Variants in AFF1 observed in about 807,000 individuals in gnomAD.
AFF1 encodes ALF transcription elongation factor 1, also known as AF4/FMR2 family member 1.
A neutral mutation model predicts 121.7 loss-of-function variants in AFF1; 48 were observed. The ratio of observed to expected loss-of-function variants is 0.39; its 90% CI spans 0.31 to 0.50. The LOEUF (loss-of-function observed/expected upper bound fraction) is 0.50. Among genes scored for constraint, AFF1 ranks in the 20% least tolerant of loss-of-function variants. The pLI, the probability that AFF1 is intolerant of heterozygous loss-of-function variation, is 0.76. For missense variants in AFF1, 1,523 were observed against 1,511.7 expected (o/e 1.01, Z -0.12); for synonymous variants, 613 against 563.0 (o/e 1.09, Z -1.26).
rs17012232 is a variant in AFF1, at chr4:86,990,464, G to A, written c.38+41893G>A. Among the ~76,000 whole-genome samples, 1,318 of 152,112 alleles carry A rather than the reference G, an allele frequency of 8.7e-3. 25 individuals are homozygous for A. The highest frequency in any genetic ancestry group is 0.031 in the African/African-American group (1,268 of 41,470). On this transcript the variant is annotated intron_variant, in intron 2 of 20. Coordinates refer to ENST00000395146, the MANE Select transcript of AFF1 (RefSeq NM_001166693.3). ...CAAAGCGGTGTGAAGAAAACATAAG[G>A]CCATAAGACTAATCTCTGGAGAGCT... is the stretch of plus-strand genomic sequence containing the variant.
chr4:87,015,179 T>C (rs1162442028), intron 2 of AFF1, among the ~76,000 whole-genome samples: 1 of 152,240 alleles, frequency 6.6e-6, no homozygotes, highest in African/African-American at 2.4e-5. Context: ...TCAGGTAATT[T>C]TGACCTAGCA....
intron 4 of AFF1, among the ~76,000 whole-genome samples, chr4:87,073,801 T>G (rs1722373419): frequency 6.6e-6 from 1 of 152,136 alleles, no homozygotes; most frequent in Admixed American, 6.5e-5. Flanking sequence ...CTCTGCAACA[T>G]AGAATTAAAC....
At position 87,136,999 on chromosome 4, in the gene AFF1, A is replaced by T. The variant is rs1373455937; in HGVS notation, c.*1298A>T. ...CCTCCGTAAGTTATTGCCATAGTGT[A>T]TGCATTAAACCAAGTCCATTTTGAA... On this transcript the variant is annotated 3_prime_UTR_variant, in exon 21 of 21. Coordinates refer to ENST00000395146, the MANE Select transcript of AFF1 (RefSeq NM_001166693.3). 1.4e-5 allele frequency: 3 copies of T among 222,190 alleles called. No individual in the cohort carries two copies. Among genetic ancestry groups the T allele is most frequent in the Non-Finnish European group, 2.7e-5 (3 of 111,010 alleles). 13.8% of individuals were successfully genotyped at this position (222,190 alleles called of 1,614,324 possible). A position where few individuals can be genotyped will look rare whatever the true frequency, so the allele number is the denominator to read the frequency against.
chr4:87,029,499 T>A (rs185603614), intron 2 of AFF1, among the ~76,000 whole-genome samples: 1 of 152,276 alleles, frequency 6.6e-6, no homozygotes, highest in African/African-American at 2.4e-5. Context: ...TTGAGGAACA[T>A]TAAGTTCTGA....
At chr4:87,122,881 T>TAA (rs3036188) in intron 12 of AFF1, among the ~76,000 whole-genome samples, 27,928 of 96,418 alleles carry the variant, frequency 0.29, 4,168 homozygotes, top group Middle Eastern at 0.33. Context: ...GGAAAATTAG[T>TAA]AAAAAAAAAA....
chr4:86,940,638 G>C (rs1054837538), intron 1 of AFF1, among the ~76,000 whole-genome samples: 28 of 152,080 alleles, frequency 1.8e-4, no homozygotes, highest in African/African-American at 7.2e-5. Context: ...GACCTCAGAT[G>C]ATCCACCCGC....
chr4:86,975,443 G>T (rs981014427), intron 2 of AFF1, among the ~76,000 whole-genome samples: 1 of 152,090 alleles, frequency 6.6e-6, no homozygotes, highest in Non-Finnish European at 1.5e-5. Flanking sequence ...TTGAGATGAG[G>T]TTTCACAACA....
chr4:86,985,166 ATATAATATG>A (rs1423745721), intron 2 of AFF1, among the ~76,000 whole-genome samples: 1 of 88,466 alleles, frequency 1.1e-5, no homozygotes, highest in African/African-American at 5.1e-5. Context: ...AATATAATAT[ATATAATATG>A]TATTACTATA....
intron 2 of AFF1, among the ~76,000 whole-genome samples, chr4:86,975,932 C>T (rs764661259): frequency 6.6e-6 from 1 of 152,094 alleles, no homozygotes; most frequent in African/African-American, 2.4e-5. Context: ...TCAGGATTGG[C>T]CTCTTTGAGG....
chr4:87,081,042 G>A (rs980712163), intron 4 of AFF1, among the ~76,000 whole-genome samples: 2 of 151,514 alleles, frequency 1.3e-5, no homozygotes, highest in Non-Finnish European at 2.9e-5. Flanking sequence ...TAGGTGAGCA[G>A]AAGAGAAAAA....
chr4:87,055,409 T>A (rs971691631), intron 4 of AFF1, among the ~76,000 whole-genome samples: 11 of 152,238 alleles, frequency 7.2e-5, no homozygotes, highest in African/African-American at 2.7e-4. Flanking sequence ...TTTCACTTTC[T>A]ATTCCTTCTC....
chr4:86,964,334 C>T (rs1303708623), intron 2 of AFF1, among the ~76,000 whole-genome samples: 1 of 148,606 alleles, frequency 6.7e-6, no homozygotes, highest in Non-Finnish European at 1.5e-5. Flanking sequence ...CCAGGATGGG[C>T]TCAATCTCCT....
At chr4:86,945,497 A>AT (rs34305215) in intron 1 of AFF1, among the ~76,000 whole-genome samples, 73,500 of 87,130 alleles carry the variant, frequency 0.84, 32,997 homozygotes, top group Non-Finnish European at 0.96. Flanking sequence ...GCCTTTCCCA[A>AT]TTTTTTTTTT....
At chr4:87,032,259 C>G (rs1729151853) in intron 2 of AFF1, among the ~76,000 whole-genome samples, 1 of 152,090 alleles carries the variant, frequency 6.6e-6, no homozygotes, top group African/African-American at 2.4e-5. Context: ...TATAAAATAC[C>G]AATAGATGTT....
chr4:87,137,658 G>A lies in AFF1; in HGVS notation c.*1957G>A, dbSNP rs897109949. 1 of 232,484 alleles carries A rather than the reference G, an allele frequency of 4.3e-6. No individual in the cohort carries two copies. The highest frequency in any genetic ancestry group is 6.1e-5 in the East Asian group (1 of 16,504). The allele number at this position is 232,484 out of a possible 1,614,324, so 14.4% of individuals were successfully genotyped here. A position where few individuals can be genotyped will look rare whatever the true frequency, so the allele number is the denominator to read the frequency against. On this transcript the variant is annotated 3_prime_UTR_variant, in exon 21 of 21. Coordinates refer to ENST00000395146, the MANE Select transcript of AFF1 (RefSeq NM_001166693.3). ...TTTAAACTACTAGTTTTAAAAACCT[G>A]TGTTAAATGAACAGTAATTGCCTGG...
chr4:86,987,402 G>A (rs1213146454), intron 2 of AFF1, among the ~76,000 whole-genome samples: 2 of 152,122 alleles, frequency 1.3e-5, no homozygotes, highest in African/African-American at 4.8e-5. Flanking sequence ...CAGACCATTT[G>A]TCCCCTCCTG....
At chr4:87,004,339 T>G (rs1725930176) in intron 2 of AFF1, among the ~76,000 whole-genome samples, 1 of 152,236 alleles carries the variant, frequency 6.6e-6, no homozygotes, top group Admixed American at 6.5e-5. Flanking sequence ...AGCTTTTGTA[T>G]ATGTACATTT....
chr4:87,071,523 A>G (rs1473714661), intron 4 of AFF1, among the ~76,000 whole-genome samples: 4 of 152,108 alleles, frequency 2.6e-5, no homozygotes, highest in Admixed American at 2.6e-4. Context: ...ATTTTTTTTA[A>G]TAATACACTT....
At chr4:86,999,087 T>C (rs1362997342) in intron 2 of AFF1, among the ~76,000 whole-genome samples, 1 of 152,252 alleles carries the variant, frequency 6.6e-6, no homozygotes, top group African/African-American at 2.4e-5. Flanking sequence ...CCTTTCCTTT[T>C]GAAAGGCATC....
Sources: allele counts gnomAD v4.1 joint callset (sites outside exome capture counted in the v4.1 genomes callset), GRCh38; gene constraint gnomAD v4.1.1; transcripts MANE v1.5; gene names NCBI Gene and HGNC (gene_info 2026-07-23, HGNC 2026-07-21).